ZNRF3: variants seen among roughly 807,000 people sequenced by gnomAD.
ZNRF3 encodes the protein zinc and ring finger 3.
In ZNRF3, 23 loss-of-function variants were observed where a neutral mutation model predicts 72.5. The ratio of observed to expected loss-of-function variants is 0.32; its 90% confidence interval spans 0.23 to 0.45. ZNRF3 has a LOEUF of 0.45. Among genes scored for constraint, ZNRF3 ranks in the 20% least tolerant of loss-of-function variants. The pLI is 1.00. For synonymous variants in ZNRF3, 610 were observed against 545.3 expected (o/e 1.12, Z -1.65); for missense variants, 1,169 against 1,272.1 (o/e 0.92, Z 1.23).
At chr22:28,965,978 T>C (rs552914974) in intron 1 of ZNRF3, among the ~76,000 whole-genome samples, 1 of 152,356 alleles carries the variant, frequency 6.6e-6, no homozygotes, top group African/African-American at 2.4e-5. Context: ...GTTTTATACC[T>C]CAACCCCTTG....
At chr22:28,941,788 G>C (rs1406650221) in intron 1 of ZNRF3, among the ~76,000 whole-genome samples, 1 of 152,116 alleles carries the variant, frequency 6.6e-6, no homozygotes, top group East Asian at 1.9e-4. Flanking sequence ...GCGCATGCCT[G>C]TAATCCCAGC....
At chr22:29,016,962 A>G (rs890267247) in intron 2 of ZNRF3, among the ~76,000 whole-genome samples, 4 of 152,314 alleles carry the variant, frequency 2.6e-5, no homozygotes, top group Non-Finnish European at 5.9e-5. Context: ...TCTCTATGAA[A>G]TTGAGACAGC....
At chr22:28,908,495 C>T (rs1394934252) in intron 1 of ZNRF3, among the ~76,000 whole-genome samples, 2 of 152,040 alleles carry the variant, frequency 1.3e-5, no homozygotes, top group South Asian at 2.1e-4. Flanking sequence ...AAAAGAAGTC[C>T]AAGAGGGTTG....
rs1228887259 is a variant in ZNRF3 at position 29,056,831 on chromosome 22, C to T, written c.*3209C>T. On this transcript the variant is annotated 3_prime_UTR_variant, in exon 9 of 9. Transcript: ENST00000544604. The stretch of plus-strand genomic sequence containing the variant: ...ACTCTCAGCTCCTTCCCTGTCTCCT[C>T]CTAATCCAAGCCCTTTTATAAAATA... The T allele has an allele frequency of 6.6e-6, 1 of 152,248 alleles. No individual in the cohort carries two copies. Among genetic ancestry groups the T allele is most frequent in the Non-Finnish European group, 1.5e-5 (1 of 68,054 alleles). The allele number at this position is 152,248 out of a possible 1,614,324, so 9.4% of individuals were successfully genotyped here. A position where few individuals can be genotyped will look rare whatever the true frequency, so the allele number is the denominator to read the frequency against.
intron 1 of ZNRF3, among the ~76,000 whole-genome samples, chr22:28,945,299 T>C (rs922391938): frequency 1.3e-5 from 2 of 152,224 alleles, no homozygotes; most frequent in Non-Finnish European, 2.9e-5. Context: ...AGTAGAGTAC[T>C]GTGCAGACAT....
At chr22:28,890,409 A>T (rs1569235170) in intron 1 of ZNRF3, among the ~76,000 whole-genome samples, 1 of 152,206 alleles carries the variant, frequency 6.6e-6, no homozygotes, top group African/African-American at 2.4e-5. Context: ...CTGAGGCAGG[A>T]GAATGGCGTG....
chr22:28,938,327 A>G (rs979496506), intron 1 of ZNRF3, among the ~76,000 whole-genome samples: 1 of 151,846 alleles, frequency 6.6e-6, no homozygotes, highest in Admixed American at 6.6e-5. Flanking sequence ...CACCCTTTTA[A>G]ATATATCTTA....
intron 1 of ZNRF3, among the ~76,000 whole-genome samples, chr22:28,949,102 C>T (rs2035107561): frequency 3.3e-5 from 5 of 152,090 alleles, no homozygotes; most frequent in Admixed American, 3.3e-4. Flanking sequence ...GCCTCACCCT[C>T]ATGAGTAGCT....
chr22:28,938,969 C>G (rs903869628), intron 1 of ZNRF3, among the ~76,000 whole-genome samples: 1 of 152,096 alleles, frequency 6.6e-6, no homozygotes, highest in Non-Finnish European at 1.5e-5. Flanking sequence ...GGCATTTAAC[C>G]TCTCTGAGTT....
chr22:28,897,284 T>C (rs1243733041), intron 1 of ZNRF3, among the ~76,000 whole-genome samples: 2 of 152,150 alleles, frequency 1.3e-5, no homozygotes, highest in African/African-American at 4.8e-5. Context: ...CCTGAGTGGG[T>C]CCTGGGCTTT....
chr22:28,990,283 G>A (rs1007041690), intron 2 of ZNRF3, among the ~76,000 whole-genome samples: 1 of 152,176 alleles, frequency 6.6e-6, no homozygotes, highest in African/African-American at 2.4e-5. Flanking sequence ...TTCTAGTTCG[G>A]AGAGATTCTA....
intron 1 of ZNRF3, chr22:28,986,749 A>C: frequency 8.4e-6 from 6 of 716,588 alleles, no homozygotes; most frequent in Non-Finnish European, 1.0e-5. Flanking sequence ...ATGGTATTTC[A>C]CAGCAATTTA....
rs1171582778 is a variant in ZNRF3, at chr22:29,050,194, C to T, written c.2013C>T (p.Ser671=). 3 of 1,601,310 alleles carry T rather than the reference C, an allele frequency of 1.9e-6. No homozygotes were observed. The South Asian group carries it at 3.3e-5, about 18-fold the overall frequency. Residue 671 remains serine (S), a synonymous_variant, in exon 8 of 9, where the codon TCC becomes TCT. Coordinates refer to ENST00000544604, the MANE Select transcript of ZNRF3 (RefSeq NM_001206998.2). Reference sequence around the variant, plus strand: ...TGGAGATGAACTACAGCAGCAACTCCTCCCTGGAGCACAGGGGGCCCAATA... The same window carrying T: ...TGGAGATGAACTACAGCAGCAACTCTTCCCTGGAGCACAGGGGGCCCAATA... ...CSLEMNYSSN[S]SLEHRGPNSS...
chr22:29,044,565 C>T (rs571350238), intron 4 of ZNRF3, among the ~76,000 whole-genome samples: 1 of 152,362 alleles, frequency 6.6e-6, no homozygotes, highest in South Asian at 2.1e-4. Context: ...TGGCTGAGAT[C>T]GCCACAGGCG....
intron 1 of ZNRF3, among the ~76,000 whole-genome samples, chr22:28,933,412 A>G (rs1245454648): frequency 6.6e-6 from 1 of 152,204 alleles, no homozygotes; most frequent in African/African-American, 2.4e-5. Flanking sequence ...CCATGAGCCC[A>G]TTGCATTAAT....
chr22:29,055,122 A>T lies in ZNRF3; in HGVS notation c.*1500A>T, dbSNP rs1320376004. The stretch of plus-strand genomic sequence containing the variant: ...TTAAGGTGTTTCATTTTTAAAAGGG[A>T]GAGAGAATCTATTTAAAGCTATTTC... On this transcript the variant is annotated 3_prime_UTR_variant, in exon 9 of 9. Coordinates refer to ENST00000544604, the MANE Select transcript of ZNRF3 (RefSeq NM_001206998.2). 1 of 152,728 alleles carries T rather than the reference A, an allele frequency of 6.5e-6. No homozygotes were observed. The highest frequency in any genetic ancestry group is 2.4e-5 in the African/African-American group (1 of 41,438). The allele number at this position is 152,728 out of a possible 1,614,324, so 9.5% of individuals were successfully genotyped here.
At chr22:28,966,401 A>G (rs557825439) in intron 1 of ZNRF3, among the ~76,000 whole-genome samples, 15 of 152,204 alleles carry the variant, frequency 9.9e-5, no homozygotes, top group Non-Finnish European at 2.2e-4. Context: ...GTACTCTTCT[A>G]CTTATTAAAA....
At chr22:29,001,565 G>A (rs1287055051) in intron 2 of ZNRF3, among the ~76,000 whole-genome samples, 1 of 150,130 alleles carries the variant, frequency 6.7e-6, no homozygotes, top group African/African-American at 2.5e-5. Context: ...TCCACCTCCT[G>A]TGTTCAAGCG....
intron 1 of ZNRF3, among the ~76,000 whole-genome samples, chr22:28,919,744 TG>T (rs2034476251): frequency 6.6e-6 from 1 of 151,562 alleles, no homozygotes; most frequent in African/African-American, 2.4e-5. Context: ...TAACCTCAGG[TG>T]ATTCGCTTGC....
Sources: allele counts gnomAD v4.1 joint callset (sites outside exome capture counted in the v4.1 genomes callset), GRCh38; gene constraint gnomAD v4.1.1; transcripts MANE v1.5; gene names NCBI Gene and HGNC (gene_info 2026-07-23, HGNC 2026-07-21).